The following FSD1L variants were observed in gnomAD, a reference collection of about 807,000 sequenced individuals.
FSD1L encodes fibronectin type III and SPRY domain containing 1 like, also known as FSD1-like protein.
FSD1L carries 45 observed loss-of-function variants against 71.6 expected under a neutral mutation model. That is an observed-to-expected ratio of 0.63 (90% CI 0.49 to 0.81). FSD1L has a LOEUF of 0.81. FSD1L is among the 30% of genes least tolerant of loss of function. The pLI, the probability that FSD1L is intolerant of heterozygous loss-of-function variation, is 0.00. For missense variants in FSD1L, 561 were observed against 618.1 expected (o/e 0.91, Z 0.98); for synonymous variants, 197 against 207.2 (o/e 0.95, Z 0.42).
intron 7 of FSD1L, among the ~76,000 whole-genome samples, chr9:105,493,554 T>G (rs1291501544): frequency 6.6e-6 from 1 of 152,204 alleles, no homozygotes. Flanking sequence ...TGATGTTAGC[T>G]GGTGATTTTG....
intron 7 of FSD1L, among the ~76,000 whole-genome samples, chr9:105,496,184 A>G (rs1435001300): frequency 1.4e-5 from 2 of 143,144 alleles, no homozygotes; most frequent in Non-Finnish European, 3.0e-5. Context: ...CACCAGTACC[A>G]GGTCTTGATG....
chr9:105,446,450 T>C (rs146633331), upstream of FSD1L, among the ~76,000 whole-genome samples: 1,100 of 152,220 alleles, frequency 7.2e-3, 10 homozygotes, highest in Middle Eastern at 0.017. Flanking sequence ...CTGCAACCTC[T>C]GCCTCCAGGA....
intron 1 of FSD1L, among the ~76,000 whole-genome samples, chr9:105,451,937 G>A (rs1157939842): frequency 3.3e-5 from 5 of 152,144 alleles, no homozygotes; most frequent in African/African-American, 9.7e-5. Flanking sequence ...TGGAGAGGAA[G>A]GGAGATGAGA....
chr9:105,511,138 G>C (rs1834367740), intron 9 of FSD1L, among the ~76,000 whole-genome samples: 1 of 151,764 alleles, frequency 6.6e-6, no homozygotes, highest in African/African-American at 2.4e-5. Flanking sequence ...TTTTTGTTTG[G>C]ATGCTGCAGT....
chr9:105,444,160 G>A (rs137927533), upstream of FSD1L, among the ~76,000 whole-genome samples: 641 of 152,286 alleles, frequency 4.2e-3, 3 homozygotes, highest in African/African-American at 0.014. Context: ...GAAGGAAAAA[G>A]AGCTGTGCAA....
At chr9:105,512,766 T>C (rs1834469964) in intron 9 of FSD1L, 41 bp from the exon 10 acceptor site, 2 of 1,143,804 alleles carry the variant, frequency 1.7e-6, no homozygotes, top group Non-Finnish European at 2.4e-6. Flanking sequence ...AGTGGAGATA[T>C]GCTATATTTT....
At chr9:105,531,962 G>A (rs1835921242) in intron 10 of FSD1L, among the ~76,000 whole-genome samples, 2 of 152,114 alleles carry the variant, frequency 1.3e-5, no homozygotes, top group African/African-American at 4.8e-5. Flanking sequence ...TTTAAGAAAA[G>A]CAACAGCATG....
intron 7 of FSD1L, among the ~76,000 whole-genome samples, chr9:105,498,223 A>ATTATTATTATTATTATTATTATTG (rs770554725): frequency 2.0e-5 from 3 of 147,196 alleles, no homozygotes; most frequent in South Asian, 2.2e-4. Context: ...TATTATTATT[A>ATTATTATTATTATTATTATTATTG]TTGTTTTTAG....
In FSD1L at chr9:105,464,300, A is replaced by G; in HGVS notation, c.176A>G (p.Asp59Gly). 3.3e-6 allele frequency: 5 copies of G among 1,524,076 alleles called. No individual in the cohort carries two copies. Among genetic ancestry groups the G allele is most frequent in the Non-Finnish European group, 4.4e-6 (5 of 1,125,546 alleles). The allele number at this position is 1,524,076 out of a possible 1,614,324, so 94.4% of individuals were successfully genotyped here. The change falls in exon 3 of 14, where the codon GAT (aspartate) becomes GGT (glycine). Residue 59 changes from aspartate to glycine, a missense_variant. Physicochemically the swap from Asp to Gly is moderately conservative, Grantham distance 94 (BLOSUM62 -1). Around this residue, in one of 3 missense-constraint regions of FSD1L, gnomAD observed 410 missense variants for 413.5 expected, o/e 0.99. Transcript: ENST00000481272. ...AATGATGAAATTCAGAACTTTATTG[A>G]TACACTACATCATACACTAAAAGGA... ...NKNDEIQNFI[D>G]TLHHTLKGVQ...
chr9:105,443,796 T>C (rs1176683608), upstream of FSD1L, among the ~76,000 whole-genome samples: 1 of 152,170 alleles, frequency 6.6e-6, no homozygotes, highest in Non-Finnish European at 1.5e-5. Flanking sequence ...TAGGTTTCTA[T>C]GGTTGGGAAG....
chr9:105,455,830 A>G (rs1474673394), intron 1 of FSD1L, among the ~76,000 whole-genome samples: 1 of 152,250 alleles, frequency 6.6e-6, no homozygotes, highest in Non-Finnish European at 1.5e-5. Context: ...GTGCTTAATG[A>G]AATACTAACT....
At chr9:105,523,332 G>A (rs1589074386) in intron 10 of FSD1L, 9 of 1,592,284 alleles carry the variant, frequency 5.7e-6, no homozygotes, top group East Asian at 2.2e-5. Flanking sequence ...GCTCCACCAC[G>A]CTGTTCTTCA....
In FSD1L at chr9:105,548,710, G is replaced by C. The variant is rs1226045687; in HGVS notation, c.*2227G>C. 6.6e-6 allele frequency: 1 copy of C among 151,888 alleles called. No homozygotes were observed. Among genetic ancestry groups the C allele is most frequent in the Non-Finnish European group, 1.5e-5 (1 of 67,918 alleles). The allele number at this position is 151,888 out of a possible 1,614,324, so 9.4% of individuals were successfully genotyped here. A position where few individuals can be genotyped will look rare whatever the true frequency, so the allele number is the denominator to read the frequency against. On this transcript the variant is annotated 3_prime_UTR_variant, in exon 14 of 14. Transcript: ENST00000481272. ...ACTGGAGAGGTTTCATCTCTGAGAG[G>C]TTTTGTAATAATAGTGTAAGTTCAG...
upstream of FSD1L, among the ~76,000 whole-genome samples, chr9:105,446,174 G>A (rs1417626055): frequency 6.6e-6 from 1 of 151,940 alleles, no homozygotes; most frequent in Non-Finnish European, 1.5e-5. Context: ...TAGAATAAAT[G>A]CTGTTTCTCA....
At chr9:105,462,155 A>G (rs2131604798) in intron 2 of FSD1L, among the ~76,000 whole-genome samples, 1 of 151,330 alleles carries the variant, frequency 6.6e-6, no homozygotes, top group Middle Eastern at 3.4e-3. Context: ...TCTGAACTGT[A>G]TCTGCCTTTT....
At chr9:105,475,474 G>A (rs866139792) in intron 5 of FSD1L, among the ~76,000 whole-genome samples, 2 of 152,152 alleles carry the variant, frequency 1.3e-5, no homozygotes, top group Non-Finnish European at 2.9e-5. Flanking sequence ...AGAGGAGTGG[G>A]TAGAAGCTCA....
rs1024806458 is a variant in FSD1L, at chr9:105,481,491, A to G, written c.464+2115A>G. Among the ~76,000 whole-genome samples the G allele has an allele frequency of 4.3e-4, 65 of 151,794 alleles. 1 individual carries two copies. Among genetic ancestry groups the G allele is most frequent in the Non-Finnish European group, 2.4e-4 (16 of 67,966 alleles). ...TGTTTTGTAGAGATGGGGTTTCACC[A>G]TGTTGGCCAGGCTCGTCTCGAACCC... is the stretch of plus-strand genomic sequence containing the variant. On this transcript the variant is annotated intron_variant, in intron 6 of 13. Transcript: ENST00000481272.
chr9:105,497,294 T>TA (rs1833473700), intron 7 of FSD1L, among the ~76,000 whole-genome samples: 1 of 152,190 alleles, frequency 6.6e-6, no homozygotes, highest in Non-Finnish European at 1.5e-5. Context: ...TTTTCACATC[T>TA]AATTTATGAG....
chr9:105,472,349 T>C (rs1831531124), intron 5 of FSD1L: 2 of 217,590 alleles, frequency 9.2e-6, no homozygotes, highest in African/African-American at 2.3e-5. Context: ...CTGAATGTTT[T>C]ATTACAACAT....
Sources: gnomAD v4.1 joint callset for allele counts (sites outside exome capture counted in the v4.1 genomes callset) on GRCh38, gnomAD v4.1.1 for gene constraint, gnomAD v4.1.1 regional missense constraint, MANE v1.5 for transcripts, NCBI Gene and HGNC (gene_info 2026-07-23, HGNC 2026-07-21) for gene names.